The following PRKG1 variants were observed in gnomAD, a reference collection of about 807,000 sequenced individuals.
PRKG1 encodes the protein cGMP-dependent protein kinase 1.
PRKG1 carries 35 observed loss-of-function variants against 88.1 expected under a neutral mutation model. That is an observed-to-expected ratio of 0.40 (90% CI 0.30 to 0.53). PRKG1 has a LOEUF of 0.53. Ranked by LOEUF, PRKG1 falls within the 20% of genes least tolerant of loss-of-function variation. The pLI is 0.59. For missense variants in PRKG1, 540 were observed against 839.8 expected (o/e 0.64, Z 4.41); for synonymous variants, 303 against 292.5 (o/e 1.04, Z -0.37).
chr10:52,240,969 T>C (rs1376448245), intron 9 of PRKG1, among the ~76,000 whole-genome samples: 1 of 152,184 alleles, frequency 6.6e-6, no homozygotes. Flanking sequence ...GACTTACTTA[T>C]GAATTTCATT....
intron 2 of PRKG1, among the ~76,000 whole-genome samples, chr10:51,398,599 AG>A (rs1176312503): frequency 2.6e-5 from 4 of 152,210 alleles, no homozygotes; most frequent in Non-Finnish European, 4.4e-5. Flanking sequence ...TGTCCCCAGA[AG>A]GGTATGTGTG....
At chr10:51,178,629 C>T (rs774062670) in intron 2 of PRKG1, among the ~76,000 whole-genome samples, 2 of 152,048 alleles carry the variant, frequency 1.3e-5, no homozygotes, top group African/African-American at 4.8e-5. Context: ...AGAGTGAGAA[C>T]CCTGTCTCAA....
chr10:51,019,386 C>A lies in PRKG1; in HGVS notation c.266+27742C>A, dbSNP rs1687019413. Among the ~76,000 whole-genome samples the A allele has an allele frequency of 2.0e-5, 3 of 152,038 alleles. No homozygotes were observed. The South Asian group carries it at 6.2e-4, about 32-fold the overall frequency. ...TTTTGACAAGGCTACCAAGACCATT[C>A]AATGGGGAAAGGACAATCTTTTCAA... On this transcript the variant is annotated intron_variant, in intron 1 of 17. Coordinates refer to the PRKG1 transcript ENST00000401604.
At chr10:52,264,548 A>C (rs1841524627) in intron 10 of PRKG1, among the ~76,000 whole-genome samples, 1 of 152,144 alleles carries the variant, frequency 6.6e-6, no homozygotes, top group African/African-American at 2.4e-5. Context: ...ATTACTTACA[A>C]AGACTTTTTC....
At chr10:51,516,014 G>T (rs1239463701) in intron 3 of PRKG1, among the ~76,000 whole-genome samples, 1 of 152,182 alleles carries the variant, frequency 6.6e-6, no homozygotes, top group Non-Finnish European at 1.5e-5. Flanking sequence ...GCTGCCTTCT[G>T]CCAGGGAGGT....
chr10:51,655,997 G>A (rs1462462974), intron 3 of PRKG1, among the ~76,000 whole-genome samples: 1 of 152,134 alleles, frequency 6.6e-6, no homozygotes, highest in African/African-American at 2.4e-5. Context: ...AGTCAGGTAT[G>A]AATATATTCA....
chr10:51,592,757 A>T (rs548386602), intron 3 of PRKG1, among the ~76,000 whole-genome samples: 3 of 152,166 alleles, frequency 2.0e-5, no homozygotes, highest in Admixed American at 2.0e-4. Context: ...TGAAAAGAGG[A>T]CTTTTATTTT....
intron 5 of PRKG1, among the ~76,000 whole-genome samples, chr10:51,960,614 G>A (rs1387480462): frequency 6.6e-6 from 1 of 151,708 alleles, no homozygotes; most frequent in Non-Finnish European, 1.5e-5. Flanking sequence ...TAAAGACGAC[G>A]TAACCAGTTT....
At chr10:51,237,817 T>C (rs2132119554) in intron 2 of PRKG1, among the ~76,000 whole-genome samples, 1 of 152,288 alleles carries the variant, frequency 6.6e-6, no homozygotes, top group South Asian at 2.1e-4. Flanking sequence ...GATATCCTTC[T>C]CTTGACTTCA....
chr10:51,326,009 C>G (rs1214476955), intron 2 of PRKG1, among the ~76,000 whole-genome samples: 2 of 152,292 alleles, frequency 1.3e-5, no homozygotes, highest in East Asian at 3.9e-4. Flanking sequence ...TGCCAAGCAA[C>G]CTTAGAAAGC....
At chr10:51,223,469 T>C (rs1838606509) in intron 2 of PRKG1, among the ~76,000 whole-genome samples, 1 of 152,190 alleles carries the variant, frequency 6.6e-6, no homozygotes. Context: ...CAAAGTGCTT[T>C]GCACTATGCC....
intron 5 of PRKG1, among the ~76,000 whole-genome samples, chr10:51,929,101 A>G (rs139454580): frequency 1.4e-3 from 211 of 152,120 alleles, no homozygotes; most frequent in African/African-American, 4.8e-3. Context: ...GAAGACTGAA[A>G]CTAATTAACT....
At chr10:51,723,516 A>G (rs1708138624) in intron 3 of PRKG1, among the ~76,000 whole-genome samples, 1 of 152,168 alleles carries the variant, frequency 6.6e-6, no homozygotes, top group Non-Finnish European at 1.5e-5. Context: ...AGAAATGCCT[A>G]ATATAGATGA....
chr10:51,425,518 C>G (rs919564659), intron 2 of PRKG1, among the ~76,000 whole-genome samples: 1 of 152,156 alleles, frequency 6.6e-6, no homozygotes, highest in African/African-American at 2.4e-5. Context: ...ACAATATTCC[C>G]ATGCACTAAC....
At chr10:51,035,123 G>C (rs894579250) in intron 1 of PRKG1, among the ~76,000 whole-genome samples, 8 of 152,024 alleles carry the variant, frequency 5.3e-5, no homozygotes, top group Non-Finnish European at 1.0e-4. Context: ...TTGGGCTCTG[G>C]GTTCAGATGC....
intron 3 of PRKG1, among the ~76,000 whole-genome samples, chr10:51,793,256 A>G (rs1838919537): frequency 6.6e-6 from 1 of 151,966 alleles, no homozygotes; most frequent in South Asian, 2.1e-4. Flanking sequence ...CTTAGAGCTG[A>G]AAAATACAAT....
At chr10:51,857,325 C>G (rs948315035) in intron 4 of PRKG1, among the ~76,000 whole-genome samples, 1 of 152,138 alleles carries the variant, frequency 6.6e-6, no homozygotes, top group Non-Finnish European at 1.5e-5. Flanking sequence ...AACACGTGGA[C>G]AACTAATTCT....
chr10:51,933,436 T>C (rs1842735820), intron 5 of PRKG1, among the ~76,000 whole-genome samples: 2 of 152,154 alleles, frequency 1.3e-5, no homozygotes, highest in South Asian at 4.1e-4. Flanking sequence ...ATCATTTTTA[T>C]AACCGATAAT....
intron 11 of PRKG1, 47 bp from the exon 12 acceptor site, chr10:52,272,345 A>G (rs1179631513): frequency 3.5e-6 from 5 of 1,441,854 alleles, no homozygotes; most frequent in Admixed American, 4.0e-5. Context: ...ACACTTGTAA[A>G]AGACAGTAAT....
Sources: allele counts gnomAD v4.1 joint callset (sites outside exome capture counted in the v4.1 genomes callset), GRCh38; gene constraint gnomAD v4.1.1; transcripts MANE v1.5; gene names NCBI Gene and HGNC (gene_info 2026-07-23, HGNC 2026-07-21).